LAMTOR3: variants seen among roughly 807,000 people sequenced by gnomAD.
The protein encoded by LAMTOR3 is late endosomal/lysosomal adaptor, MAPK and MTOR activator 3.
LAMTOR3 carries 14 observed loss-of-function variants against 20.3 expected under a neutral mutation model. That is an observed-to-expected ratio of 0.69 (90% CI 0.46 to 1.08). The LOEUF (loss-of-function observed/expected upper bound fraction) is 1.08. Among genes scored for constraint, LAMTOR3 ranks in the 50% least tolerant of loss-of-function variants. The pLI is 0.00. For synonymous variants in LAMTOR3, 40 were observed against 49.4 expected, an observed-to-expected ratio of 0.81 and a Z score of 0.80; for missense variants, 125 against 143.7, an observed-to-expected ratio of 0.87 and a Z score of 0.67.
In LAMTOR3 at chr4:99,892,402, T is replaced by C. The variant is rs143813082; in HGVS notation, c.10-368A>G. Reference sequence around the variant, plus strand: ...AGTGTTTTACATCCTGTTGCTATTGTGTTCACTTGAGAAGACGTTATAAAC... The same window carrying C: ...AGTGTTTTACATCCTGTTGCTATTGCGTTCACTTGAGAAGACGTTATAAAC... On this transcript the variant is annotated intron_variant, in intron 2 of 6. Transcript: ENST00000499666. 8.5e-3 allele frequency among the ~76,000 whole-genome samples: 1,291 copies of C among 152,328 alleles called. 10 individuals are homozygous for C. The highest frequency in any genetic ancestry group is 0.029 in the African/African-American group (1,189 of 41,576).
In LAMTOR3 at chr4:99,882,075, A is replaced by G; in HGVS notation, c.302-8T>C. ...CTAGGCTGACAATTAGTCCTAAAAT[A>G]AAGAGATTAAGAAAATTACATGTTA... On this transcript the variant is annotated splice_polypyrimidine_tract_variant and splice_region_variant and intron_variant, in intron 6 of 6. Transcript: ENST00000499666. 1.3e-6 allele frequency: 2 copies of G among 1,539,256 alleles called. No homozygotes were observed. Among genetic ancestry groups the G allele is most frequent in the Non-Finnish European group, 1.8e-6 (2 of 1,136,986 alleles).
chr4:99,892,194 A>C (rs908390428), intron 2 of LAMTOR3, among the ~76,000 whole-genome samples, 160 bp from the exon 3 acceptor site: 1 of 152,216 alleles, frequency 6.6e-6, no homozygotes, highest in Non-Finnish European at 1.5e-5. Context: ...CTAGTCACGC[A>C]ACTTGGAGTA....
At chr4:99,882,785 C>T (rs1175254239) in intron 6 of LAMTOR3, among the ~76,000 whole-genome samples, 1 of 151,736 alleles carries the variant, frequency 6.6e-6, no homozygotes, top group Non-Finnish European at 1.5e-5. Context: ...ATAAATATTT[C>T]AAATGAAAAA....
chr4:99,888,476 C>T (rs1177151343), intron 3 of LAMTOR3, among the ~76,000 whole-genome samples: 4 of 152,140 alleles, frequency 2.6e-5, no homozygotes, highest in African/African-American at 9.7e-5. Flanking sequence ...GGTGACACTC[C>T]TCGACTTTCA....
Position 99,890,503 on chromosome 4 carries a change from G to A in LAMTOR3, c.44+1497C>T, listed in dbSNP as rs531846238. 2.0e-5 allele frequency among the ~76,000 whole-genome samples: 3 copies of A among 152,164 alleles called. No individual in the cohort carries two copies. The East Asian group carries it at 5.8e-4, about 29-fold the overall frequency. On this transcript the variant is annotated intron_variant, in intron 3 of 6. Coordinates refer to ENST00000499666, the MANE Select transcript of LAMTOR3 (RefSeq NM_021970.4). ...CATACATCTAGCAACAAATCAAAGC[G>A]TATATTCTACTATTCTTCATAAATG...
chr4:99,894,038 C>T (rs1725075402), intron 1 of LAMTOR3, 38 bp from the exon 2 acceptor site: 2 of 1,309,638 alleles, frequency 1.5e-6, no homozygotes, highest in Admixed American at 2.2e-5. Context: ...CCCTCTTTGG[C>T]TTCCTCGTCC....
In LAMTOR3 at chr4:99,879,958, T is replaced by C. The variant is rs1000414722; in HGVS notation, c.*2036A>G. 2 of 151,744 alleles carry C rather than the reference T, an allele frequency of 1.3e-5. No individual in the cohort carries two copies. The highest frequency in any genetic ancestry group is 1.5e-5 in the Non-Finnish European group (1 of 67,918). The allele number at this position is 151,744 out of a possible 1,614,324, so 9.4% of individuals were successfully genotyped here. On this transcript the variant is annotated 3_prime_UTR_variant, in exon 7 of 7. Transcript: ENST00000499666. ...TACTACACACCTAGGCTATATGGTA[T>C]AGCCTACTACACACCTAGGCTATAT...
intron 3 of LAMTOR3, among the ~76,000 whole-genome samples, chr4:99,889,066 G>T (rs1356819363): frequency 6.6e-6 from 1 of 152,074 alleles, no homozygotes; most frequent in Non-Finnish European, 1.5e-5. Context: ...TTAGCTGGGT[G>T]TGGTGGTGCT....
chr4:99,884,838 G>A (rs979565898), intron 5 of LAMTOR3, among the ~76,000 whole-genome samples: 3 of 151,996 alleles, frequency 2.0e-5, no homozygotes, highest in African/African-American at 7.3e-5. Flanking sequence ...GGTGGCACAT[G>A]CCTGTAATCC....
rs140424357 is a variant in LAMTOR3, at chr4:99,880,041, A to G, written c.*1953T>C. 1.3e-4 allele frequency: 20 copies of G among 152,144 alleles called. No homozygotes were observed. The highest frequency in any genetic ancestry group is 2.2e-4 in the Non-Finnish European group (15 of 67,988). 9.4% of individuals were successfully genotyped at this position (152,144 alleles called of 1,614,324 possible). On this transcript the variant is annotated 3_prime_UTR_variant, in exon 7 of 7. Transcript: ENST00000499666. ...GTGGTCCTTCACTAACTGAAACATC[A>G]TTATATGGTACATGGCTGTATTTAT...
intron 5 of LAMTOR3, among the ~76,000 whole-genome samples, chr4:99,885,137 A>G (rs1015608671): frequency 3.3e-5 from 5 of 152,164 alleles, no homozygotes; most frequent in Non-Finnish European, 7.3e-5. Flanking sequence ...ACATATATAT[A>G]TTTCCAAAAA....
At chr4:99,885,455 GAACTATA>G in intron 5 of LAMTOR3, 80 bp downstream of exon 5, 1 of 1,157,916 alleles carries the variant, frequency 8.6e-7, no homozygotes, top group Non-Finnish European at 1.2e-6. Context: ...CTAAAATTGA[GAACTATA>G]ACACAAACTA....
intron 1 of LAMTOR3, 36 bp downstream of exon 1, chr4:99,894,299 C>T (rs1725082932): frequency 3.5e-6 from 1 of 282,956 alleles, no homozygotes; most frequent in African/African-American, 2.2e-5. Flanking sequence ...ACCTGCGGGA[C>T]TAGGCCTCAA....
chr4:99,881,733 C>T lies in LAMTOR3; in HGVS notation c.*261G>A. 1 of 393,294 alleles carries T rather than the reference C, an allele frequency of 2.5e-6. No homozygotes were observed. Among genetic ancestry groups the T allele is most frequent in the Non-Finnish European group, 4.5e-6 (1 of 220,340 alleles). The allele number at this position is 393,294 out of a possible 1,614,324, so 24.4% of individuals were successfully genotyped here. On this transcript the variant is annotated 3_prime_UTR_variant, in exon 7 of 7. Coordinates refer to ENST00000499666, the MANE Select transcript of LAMTOR3 (RefSeq NM_021970.4). ...CTCTCATCCATATCTGGTGACCAGA[C>T]TAACTCCATGGGAGCTGTGATAGAC... is the stretch of plus-strand genomic sequence containing the variant.
chr4:99,894,189 A>G, intron 1 of LAMTOR3, 146 bp downstream of exon 1: 1 of 401,934 alleles, frequency 2.5e-6, no homozygotes, highest in Non-Finnish European at 4.4e-6. Flanking sequence ...GGCACACCTT[A>G]CCTCAGCCCA....
intron 3 of LAMTOR3, among the ~76,000 whole-genome samples, chr4:99,891,273 AG>A (rs1725018375): frequency 6.6e-6 from 1 of 152,216 alleles, no homozygotes; most frequent in Admixed American, 6.5e-5. Context: ...AGAAAAACAC[AG>A]AAAGCCCTCA....
chr4:99,891,753 T>C (rs1725026621), intron 3 of LAMTOR3, among the ~76,000 whole-genome samples: 1 of 152,132 alleles, frequency 6.6e-6, no homozygotes, highest in Non-Finnish European at 1.5e-5. Flanking sequence ...AAGAAACAGA[T>C]GACCAAGGGA....
intron 2 of LAMTOR3, among the ~76,000 whole-genome samples, chr4:99,893,055 TAGA>T (rs1195130963): frequency 1.3e-5 from 2 of 152,168 alleles, no homozygotes; most frequent in African/African-American, 4.8e-5. Flanking sequence ...ACTAAAGAAG[TAGA>T]AGACTATTTT....
Position 99,891,182 on chromosome 4 carries a change from A to G in LAMTOR3, c.44+818T>C, listed in dbSNP as rs528006767. On this transcript the variant is annotated intron_variant, in intron 3 of 6. Coordinates refer to ENST00000499666, the MANE Select transcript of LAMTOR3 (RefSeq NM_021970.4). ...TAAGTGAATTAACTATGTACTATTAACTATTTCATCATATCACCAGCGTAG... is the reference window on the plus strand; with the variant it reads ...TAAGTGAATTAACTATGTACTATTAGCTATTTCATCATATCACCAGCGTAG... 4.9e-4 allele frequency among the ~76,000 whole-genome samples: 75 copies of G among 152,324 alleles called. 1 individual carries two copies. The highest frequency in any genetic ancestry group is 2.3e-3 in the South Asian group (11 of 4,832).
Sources: gnomAD v4.1 joint callset for allele counts (sites outside exome capture counted in the v4.1 genomes callset) on GRCh38, gnomAD v4.1.1 for gene constraint, MANE v1.5 for transcripts, NCBI Gene and HGNC (gene_info 2026-07-23, HGNC 2026-07-21) for gene names.